Variants in KLHL4 observed in about 807,000 individuals in gnomAD.
The protein encoded by KLHL4 is kelch like family member 4.
Under a neutral mutation model 45.8 loss-of-function variants are expected in KLHL4, and 17 were observed. The ratio of observed to expected loss-of-function variants is 0.37; its 90% CI spans 0.25 to 0.56. KLHL4 has a LOEUF of 0.56. KLHL4 is among the 20% of genes least tolerant of loss of function. The pLI, the probability that KLHL4 is intolerant of heterozygous loss-of-function variation, is 0.79. For synonymous variants in KLHL4, 224 were observed against 189.9 expected (o/e 1.18, Z -1.47); for missense variants, 544 against 544.9 (o/e 1.00, Z 0.02).
intron 1 of KLHL4, among the ~76,000 whole-genome samples, chrX:87,530,208 C>A (rs756482942): frequency 9.1e-6 from 1 of 110,187 alleles, no homozygotes; most frequent in African/African-American, 3.3e-5. Context: ...ATGCCTATGT[C>A]CTGAATGGTA....
At chrX:87,561,581 G>C (rs767476101) in intron 1 of KLHL4, among the ~76,000 whole-genome samples, 26 of 111,093 alleles carry the variant, frequency 2.3e-4, no homozygotes, top group Non-Finnish European at 4.9e-4. Context: ...AGGTCACAAA[G>C]ACTGTAGTTC....
intron 1 of KLHL4, among the ~76,000 whole-genome samples, chrX:87,531,611 G>T (rs939005309): frequency 2.8e-5 from 3 of 106,482 alleles, no homozygotes; most frequent in African/African-American, 1.0e-4. Flanking sequence ...ATCTCCTTAA[G>T]CTGATAAGCA....
intron 1 of KLHL4, among the ~76,000 whole-genome samples, chrX:87,599,162 A>T (rs945257916): frequency 1.8e-5 from 2 of 110,544 alleles, no homozygotes; most frequent in Admixed American, 1.9e-4. Flanking sequence ...TTTTGACTAC[A>T]TGACTTGTCT....
At chrX:87,556,455 A>G (rs1931975719) in intron 1 of KLHL4, among the ~76,000 whole-genome samples, 1 of 106,428 alleles carries the variant, frequency 9.4e-6, no homozygotes, top group South Asian at 4.6e-4. Context: ...ATTCTCACTC[A>G]TAGGTGGGAA....
chrX:87,542,317 T>G (rs1352520303), intron 1 of KLHL4, among the ~76,000 whole-genome samples: 1 of 111,780 alleles, frequency 8.9e-6, no homozygotes, highest in Admixed American at 9.5e-5. Context: ...AGCTCAATAT[T>G]AATAGCTAAG....
chrX:87,523,920 G>A (rs1040879062), intron 1 of KLHL4, among the ~76,000 whole-genome samples: 3 of 110,822 alleles, frequency 2.7e-5, no homozygotes, highest in Non-Finnish European at 3.8e-5. Context: ...CCGAGATTGC[G>A]CCACTACACT....
chrX:87,592,006 C>T (rs1398161186), intron 1 of KLHL4, among the ~76,000 whole-genome samples: 1 of 109,930 alleles, frequency 9.1e-6, no homozygotes. Flanking sequence ...CCCCCCCCAC[C>T]CCCACTATCC....
At chrX:87,550,374 A>G (rs1226087309) in intron 1 of KLHL4, among the ~76,000 whole-genome samples, 1 of 111,501 alleles carries the variant, frequency 9.0e-6, no homozygotes, top group Admixed American at 9.6e-5. Context: ...AATAATTACC[A>G]ACAAAAAAAA....
chrX:87,660,558 A>G (rs1355205925), intron 9 of KLHL4, among the ~76,000 whole-genome samples: 1 of 112,385 alleles, frequency 8.9e-6, no homozygotes, highest in Non-Finnish European at 1.9e-5. Context: ...TTCAAACTAC[A>G]TTGGAGCCAG....
At chrX:87,665,225 C>T (rs374879081) in intron 10 of KLHL4, among the ~76,000 whole-genome samples, 2 of 110,729 alleles carry the variant, frequency 1.8e-5, no homozygotes, top group South Asian at 3.8e-4. Context: ...AGAAAATAAG[C>T]GAATCCAATA....
intron 1 of KLHL4, among the ~76,000 whole-genome samples, chrX:87,583,108 T>G (rs886320366): frequency 2.0e-4 from 22 of 112,232 alleles, no homozygotes; most frequent in African/African-American, 7.1e-4. Context: ...GAGTGCTGAT[T>G]GGTGCATTTT....
chrX:87,662,433 A>G (rs1329227748), intron 9 of KLHL4, among the ~76,000 whole-genome samples: 1 of 112,270 alleles, frequency 8.9e-6, no homozygotes, highest in Non-Finnish European at 1.9e-5. Flanking sequence ...TAATTTCTCA[A>G]TAGATGCAAA....
intron 5 of KLHL4, among the ~76,000 whole-genome samples, chrX:87,623,733 A>T (rs1024527001): frequency 8.9e-6 from 1 of 111,898 alleles, no homozygotes; most frequent in African/African-American, 3.2e-5. Context: ...AGAGCAAGGA[A>T]GGCAATAGTA....
At chrX:87,535,080 T>C (rs1282984024) in intron 1 of KLHL4, among the ~76,000 whole-genome samples, 1 of 112,111 alleles carries the variant, frequency 8.9e-6, no homozygotes, top group Non-Finnish European at 1.9e-5. Context: ...TGCTATAATT[T>C]CACAGCTAGT....
intron 1 of KLHL4, among the ~76,000 whole-genome samples, chrX:87,535,821 T>C (rs1177838801): frequency 9.0e-6 from 1 of 110,655 alleles, no homozygotes; most frequent in Non-Finnish European, 1.9e-5. Context: ...CACCATCCTT[T>C]TGGTGCTGTT....
chrX:87,549,314 A>G (rs1012577756), intron 1 of KLHL4, among the ~76,000 whole-genome samples: 2 of 111,470 alleles, frequency 1.8e-5, no homozygotes, highest in African/African-American at 6.5e-5. Context: ...GAGCCTCAAC[A>G]TAATAATAGC....
In KLHL4 at chrX:87,666,696, A is replaced by G; in HGVS notation, c.*162A>G. 1.0e-6 allele frequency: 1 copy of G among 980,849 alleles called. No individual in the cohort carries two copies. The highest frequency in any genetic ancestry group is 1.3e-6 in the Non-Finnish European group (1 of 779,237). 80.8% of individuals were successfully genotyped at this position (980,849 alleles called of 1,213,427 possible). On this transcript the variant is annotated 3_prime_UTR_variant, in exon 11 of 11. Transcript: ENST00000373119. ...TAGTTACAATTGCTTTCATTCGTGA[A>G]GCCGAAACGTTTTTAAACATGAATT... is the stretch of plus-strand genomic sequence containing the variant.
At chrX:87,559,948 C>T (rs1243193482) in intron 1 of KLHL4, among the ~76,000 whole-genome samples, 1 of 111,576 alleles carries the variant, frequency 9.0e-6, no homozygotes, top group African/African-American at 3.3e-5. Flanking sequence ...CTTACAAAAA[C>T]TGTACCCTTA....
At chrX:87,526,604 G>A (rs1292702934) in intron 1 of KLHL4, among the ~76,000 whole-genome samples, 1 of 111,754 alleles carries the variant, frequency 8.9e-6, no homozygotes, top group African/African-American at 3.2e-5. Context: ...TTAAGCTTGA[G>A]GAATGGACAC....
Sources: gnomAD v4.1 joint callset for allele counts (sites outside exome capture counted in the v4.1 genomes callset) on GRCh38, gnomAD v4.1.1 for gene constraint, MANE v1.5 for transcripts, NCBI Gene and HGNC (gene_info 2026-07-23, HGNC 2026-07-21) for gene names.